SNCAIP: variants seen among roughly 807,000 people sequenced by gnomAD.
SNCAIP encodes the protein synuclein alpha interacting protein, also known as synphilin-1.
SNCAIP carries 43 observed loss-of-function variants against 86.7 expected under a neutral mutation model. The ratio of observed to expected loss-of-function variants is 0.50; its 90% confidence interval spans 0.39 to 0.64. The LOEUF is 0.64. SNCAIP is among the 30% of genes least tolerant of loss of function. The probability of loss-of-function intolerance (pLI) is 0.00; values close to 1 mark genes in which losing one functional copy is unlikely to be tolerated. For synonymous variants in SNCAIP, 417 were observed against 427.2 expected (o/e 0.98, Z 0.29); for missense variants, 981 against 1,103.1 (o/e 0.89, Z 1.57).
intron 1 of SNCAIP, among the ~76,000 whole-genome samples, chr5:122,353,732 G>T (rs951437915): frequency 1.3e-5 from 2 of 152,096 alleles, no homozygotes; most frequent in Admixed American, 1.3e-4. Flanking sequence ...CTTGCCTTCT[G>T]CCATAATTGT....
In SNCAIP at chr5:122,435,688, G is replaced by A. The variant is rs114193863; in HGVS notation, c.1296+3606G>A. Among the ~76,000 whole-genome samples, 1,459 of 152,142 alleles carry A rather than the reference G, an allele frequency of 9.6e-3. 23 individuals carry two copies. The highest frequency in any genetic ancestry group is 0.033 in the African/African-American group (1,365 of 41,502). Reference sequence around the variant, plus strand: ...TTTTTAAGGGCACTTTTTGAAAAAAGAAAAGGCTCAGCAATTCTTGCAAAT... The same window carrying A: ...TTTTTAAGGGCACTTTTTGAAAAAAAAAAAGGCTCAGCAATTCTTGCAAAT... On this transcript the variant is annotated intron_variant, in intron 6 of 10. Coordinates refer to ENST00000261368, the MANE Select transcript of SNCAIP (RefSeq NM_005460.4).
intron 1 of SNCAIP, among the ~76,000 whole-genome samples, chr5:122,379,924 T>C (rs377712692): frequency 3.3e-5 from 5 of 152,082 alleles, no homozygotes; most frequent in Admixed American, 1.3e-4. Context: ...TTTTGATGTG[T>C]TGCTGGATTC....
chr5:122,327,557 G>A (rs1005455645), intron 1 of SNCAIP, among the ~76,000 whole-genome samples: 8 of 152,090 alleles, frequency 5.3e-5, no homozygotes, highest in African/African-American at 1.9e-4. Flanking sequence ...GAAATCTGGT[G>A]GTTTAAAAGT....
At chr5:122,364,290 G>T (rs1474291896) in intron 1 of SNCAIP, among the ~76,000 whole-genome samples, 2 of 152,220 alleles carry the variant, frequency 1.3e-5, no homozygotes, top group African/African-American at 4.8e-5. Context: ...CCTTAGGGCT[G>T]CGCTGTCTGT....
intron 2 of SNCAIP, among the ~76,000 whole-genome samples, chr5:122,401,850 G>C (rs1160831439): frequency 6.6e-6 from 1 of 152,156 alleles, no homozygotes; most frequent in Non-Finnish European, 1.5e-5. Context: ...GGGCCTTTGA[G>C]GCCAAATAGG....
intron 3 of SNCAIP, among the ~76,000 whole-genome samples, chr5:122,409,162 T>C (rs935005923): frequency 3.3e-5 from 5 of 152,222 alleles, no homozygotes; most frequent in Non-Finnish European, 5.9e-5. Flanking sequence ...TATCTACTAC[T>C]CATGTGGGAA....
chr5:122,387,527 C>T (rs747989938), intron 1 of SNCAIP, among the ~76,000 whole-genome samples: 2 of 152,204 alleles, frequency 1.3e-5, no homozygotes, highest in Admixed American at 6.5e-5. Context: ...TATAAACCCA[C>T]TCTTGTTGGC....
At chr5:122,331,438 T>A (rs907424819) in intron 1 of SNCAIP, among the ~76,000 whole-genome samples, 2 of 152,220 alleles carry the variant, frequency 1.3e-5, no homozygotes, top group Non-Finnish European at 2.9e-5. Flanking sequence ...ATATTTTCAA[T>A]GTACAAATAT....
intron 1 of SNCAIP, among the ~76,000 whole-genome samples, chr5:122,360,082 C>T (rs961076354): frequency 6.6e-6 from 1 of 152,172 alleles, no homozygotes; most frequent in Non-Finnish European, 1.5e-5. Context: ...GCAGAAAAAC[C>T]TTGTTCCAGG....
intron 9 of SNCAIP, 121 bp downstream of exon 9, chr5:122,450,058 A>G: frequency 1.3e-6 from 1 of 746,942 alleles, no homozygotes; most frequent in Non-Finnish European, 2.3e-6. Context: ...TCTTATAAAG[A>G]GGAATAAAAA....
intron 1 of SNCAIP, among the ~76,000 whole-genome samples, chr5:122,337,098 T>C (rs762546262): frequency 1.2e-4 from 18 of 152,236 alleles, no homozygotes; most frequent in Non-Finnish European, 2.4e-4. Context: ...TACTGATTCC[T>C]AATCCCATGC....
chr5:122,321,287 A>T (rs1475886152), intron 1 of SNCAIP: 3 of 152,126 alleles, frequency 2.0e-5, no homozygotes, highest in Non-Finnish European at 2.9e-5. Context: ...TTCCCATATT[A>T]CATCTTTGAA....
intron 6 of SNCAIP, among the ~76,000 whole-genome samples, chr5:122,433,529 T>C (rs1778826611): frequency 6.6e-6 from 1 of 152,196 alleles, no homozygotes; most frequent in Non-Finnish European, 1.5e-5. Context: ...TACATTGTAA[T>C]ATTTGGAGTG....
intron 3 of SNCAIP, among the ~76,000 whole-genome samples, chr5:122,421,235 A>G (rs1475890900): frequency 6.6e-6 from 1 of 152,218 alleles, no homozygotes; most frequent in Non-Finnish European, 1.5e-5. Flanking sequence ...CTAAAATGTC[A>G]GAGCCAGAAA....
chr5:122,368,015 C>T (rs998318741), intron 1 of SNCAIP, among the ~76,000 whole-genome samples: 1 of 152,114 alleles, frequency 6.6e-6, no homozygotes, highest in African/African-American at 2.4e-5. Context: ...TTTCATAATT[C>T]ATACATGATT....
At position 122,320,406 on chromosome 5, in the gene SNCAIP, C is replaced by T. The variant is rs1426192492; in HGVS notation, c.-47+8122C>T. Among the ~76,000 whole-genome samples, 5 of 152,264 alleles carry T rather than the reference C, an allele frequency of 3.3e-5. No homozygotes were observed. The East Asian group carries it at 9.6e-4, about 29-fold the overall frequency. ...TGGGCTCTGTCCTCTAAGTTGCGGT[C>T]ACAGCAGTGAGCAGACAGATGTGGG... On this transcript the variant is annotated intron_variant, in intron 1 of 10. Transcript: ENST00000261368.
intron 10 of SNCAIP, among the ~76,000 whole-genome samples, chr5:122,458,611 G>A (rs1427423701): frequency 6.6e-6 from 1 of 152,096 alleles, no homozygotes; most frequent in East Asian, 1.9e-4. Flanking sequence ...TCCTTCCCCC[G>A]GCCAGTCACT....
At chr5:122,431,337 A>T (rs1014529454) in intron 5 of SNCAIP, among the ~76,000 whole-genome samples, 4 of 152,196 alleles carry the variant, frequency 2.6e-5, no homozygotes, top group Admixed American at 6.5e-5. Context: ...CCTAAGTGGA[A>T]ACAATCCACA....
intron 1 of SNCAIP, among the ~76,000 whole-genome samples, chr5:122,334,643 T>C (rs896487563): frequency 6.6e-6 from 1 of 152,180 alleles, no homozygotes; most frequent in African/African-American, 2.4e-5. Flanking sequence ...AGAGAAAGCA[T>C]TTTAACAGCA....
Sources: allele counts gnomAD v4.1 joint callset (sites outside exome capture counted in the v4.1 genomes callset), GRCh38; gene constraint gnomAD v4.1.1; transcripts MANE v1.5; gene names NCBI Gene and HGNC (gene_info 2026-07-23, HGNC 2026-07-21).